The following PGBD5 variants were observed in gnomAD, a reference collection of about 807,000 sequenced individuals.
PGBD5 encodes piggyBac transposable element derived 5.
A neutral mutation model predicts 47.9 loss-of-function variants in PGBD5; 14 were observed. The ratio of observed to expected loss-of-function variants is 0.29; its 90% CI spans 0.19 to 0.46. The LOEUF is 0.46. Among genes scored for constraint, PGBD5 ranks in the 20% least tolerant of loss-of-function variants. The pLI is 1.00. For missense variants in PGBD5, 635 were observed against 716.0 expected (o/e 0.89, Z 1.29); for synonymous variants, 316 against 306.3 (o/e 1.03, Z -0.33).
chr1:230,384,026 TC>T (rs113080510), intron 1 of PGBD5, among the ~76,000 whole-genome samples: 13,625 of 152,160 alleles, frequency 0.09, 855 homozygotes, highest in African/African-American at 0.18. Flanking sequence ...GTCCCGTCCG[TC>T]CAAGCACAGT....
chr1:230,352,330 C>T (rs1381941183), intron 2 of PGBD5, among the ~76,000 whole-genome samples: 1 of 152,168 alleles, frequency 6.6e-6, no homozygotes, highest in African/African-American at 2.4e-5. Flanking sequence ...GAGGATCCTG[C>T]TAAAATGTGG....
At chr1:230,389,451 G>T (rs924259626) in intron 1 of PGBD5, among the ~76,000 whole-genome samples, 8 of 152,326 alleles carry the variant, frequency 5.3e-5, no homozygotes, top group African/African-American at 1.4e-4. Context: ...GGGATTACAG[G>T]CTTGAGCCAC....
intron 1 of PGBD5, among the ~76,000 whole-genome samples, chr1:230,364,073 TCAG>T (rs1667789857): frequency 6.6e-6 from 1 of 152,246 alleles, no homozygotes; most frequent in African/African-American, 2.4e-5. Flanking sequence ...ATTCAGTCAC[TCAG>T]TCACGAGTGC....
intron 1 of PGBD5, among the ~76,000 whole-genome samples, chr1:230,359,235 T>C (rs771616563): frequency 3.7e-4 from 57 of 152,170 alleles, no homozygotes; most frequent in Non-Finnish European, 7.2e-4. Flanking sequence ...CTAATTTTTG[T>C]ATTTTTAGTA....
At chr1:230,328,003 C>A (rs565355817) in intron 5 of PGBD5, among the ~76,000 whole-genome samples, 23 of 152,244 alleles carry the variant, frequency 1.5e-4, no homozygotes, top group African/African-American at 5.1e-4. Flanking sequence ...GCAGGTGAGA[C>A]CATCCCTATA....
intron 1 of PGBD5, among the ~76,000 whole-genome samples, chr1:230,367,220 C>T (rs536694680): frequency 6.6e-6 from 1 of 152,262 alleles, no homozygotes; most frequent in South Asian, 2.1e-4. Context: ...TCTTCAGGCT[C>T]CTTCCCCAGG....
intron 1 of PGBD5, among the ~76,000 whole-genome samples, chr1:230,423,042 A>C (rs1006251691): frequency 6.6e-6 from 1 of 151,830 alleles, no homozygotes; most frequent in Non-Finnish European, 1.5e-5. Flanking sequence ...AAAACCAAAA[A>C]CCTAGCACAA....
intron 3 of PGBD5, among the ~76,000 whole-genome samples, chr1:230,349,107 TGAGA>T (rs969343758): frequency 6.6e-6 from 1 of 152,152 alleles, no homozygotes; most frequent in Non-Finnish European, 1.5e-5. Flanking sequence ...GAATCTGAAC[TGAGA>T]GAGAGAGATC....
intron 1 of PGBD5, among the ~76,000 whole-genome samples, chr1:230,385,505 G>A (rs1656615738): frequency 6.6e-6 from 1 of 152,194 alleles, no homozygotes; most frequent in African/African-American, 2.4e-5. Context: ...CTGTGTGGAT[G>A]GGCACCAGCC....
chr1:230,363,613 T>C (rs1667784122), intron 1 of PGBD5, among the ~76,000 whole-genome samples: 1 of 152,070 alleles, frequency 6.6e-6, no homozygotes, highest in African/African-American at 2.4e-5. Context: ...ATGTGCCTTC[T>C]AAACTGCAGC....
intron 1 of PGBD5, among the ~76,000 whole-genome samples, chr1:230,369,262 AG>A (rs1667890921): frequency 6.6e-6 from 1 of 152,232 alleles, no homozygotes; most frequent in African/African-American, 2.4e-5. Context: ...GCTCCTTGGA[AG>A]CAATGTCAAG....
chr1:230,348,494 C>G (rs974663394), intron 3 of PGBD5, among the ~76,000 whole-genome samples: 8 of 152,230 alleles, frequency 5.3e-5, no homozygotes, highest in African/African-American at 1.7e-4. Flanking sequence ...ACACGGCCTG[C>G]TCTCTATGTC....
chr1:230,417,330 C>T (rs977320518), intron 1 of PGBD5, among the ~76,000 whole-genome samples: 2 of 152,196 alleles, frequency 1.3e-5, no homozygotes, highest in Non-Finnish European at 2.9e-5. Flanking sequence ...GCCCTAAGTA[C>T]TCATTTCTCA....
chr1:230,328,098 G>A (rs1031394133), intron 5 of PGBD5, among the ~76,000 whole-genome samples: 4 of 152,046 alleles, frequency 2.6e-5, no homozygotes, highest in Admixed American at 1.3e-4. Context: ...AGTCATGGCC[G>A]CTCTCCGAAG....
chr1:230,342,302 C>T (rs147187320), intron 3 of PGBD5, among the ~76,000 whole-genome samples: 3 of 152,298 alleles, frequency 2.0e-5, no homozygotes, highest in African/African-American at 7.2e-5. Context: ...CAATGAATGA[C>T]CCTACTTCTT....
chr1:230,347,705 C>A (rs1354018271), intron 3 of PGBD5, among the ~76,000 whole-genome samples: 1 of 152,034 alleles, frequency 6.6e-6, no homozygotes, highest in East Asian at 1.9e-4. Flanking sequence ...TCTCCTGGAA[C>A]ACACCTGGAC....
rs114204934 is a variant in PGBD5, at chr1:230,357,185, G to A, written c.468C>T (p.Asp156=). 9.2e-3 allele frequency: 14,834 copies of A among 1,614,042 alleles called. 301 individuals are homozygous for A. The highest frequency in any genetic ancestry group is 0.083 in the African/African-American group (6,240 of 74,956). Residue 156 remains aspartate (D), a synonymous_variant, in exon 2 of 7, where the codon GAC becomes GAT. Transcript: ENST00000391860. The surrounding 1 kb of genome is among the most constrained non-coding windows in gnomAD (Gnocchi z 5.7). Reference sequence around the variant, plus strand: ...TCAGCGTCACCTCCACCCAGGCTCCGTCGCTCCCAAACCGCTCCTGGAACT... The same window carrying A: ...TCAGCGTCACCTCCACCCAGGCTCCATCGCTCCCAAACCGCTCCTGGAACT... ...AKKFQERFGS[D]GAWVEVTLTE...
chr1:230,328,418 G>T (rs1394828018), intron 5 of PGBD5, among the ~76,000 whole-genome samples: 1 of 152,104 alleles, frequency 6.6e-6, no homozygotes, highest in Non-Finnish European at 1.5e-5. Context: ...GGATTCTGAG[G>T]TAGTACCCCA....
At chr1:230,406,160 T>C (rs963059694) in intron 1 of PGBD5, among the ~76,000 whole-genome samples, 1 of 151,748 alleles carries the variant, frequency 6.6e-6, no homozygotes, top group Non-Finnish European at 1.5e-5. Flanking sequence ...TACAAAAAAT[T>C]AGCCGGGCAT....
Sources: gnomAD v4.1 joint callset for allele counts (sites outside exome capture counted in the v4.1 genomes callset) on GRCh38, gnomAD v4.1.1 for gene constraint, Gnocchi (gnomAD v3.1) non-coding constraint, MANE v1.5 for transcripts, NCBI Gene and HGNC (gene_info 2026-07-23, HGNC 2026-07-21) for gene names.